Variants in ANO4 observed in about 807,000 individuals in gnomAD.
ANO4 encodes the protein anoctamin 4.
Under a neutral mutation model 141.9 loss-of-function variants are expected in ANO4, and 69 were observed. The observed-to-expected ratio is 0.49, with a 90% CI of 0.40 to 0.59. The LOEUF (loss-of-function observed/expected upper bound fraction) is 0.59, where lower values mean the gene tolerates loss of function less well. Among genes scored for constraint, ANO4 ranks in the 20% least tolerant of loss-of-function variants. The pLI is 0.00. For missense variants in ANO4, 894 were observed against 1,162.2 expected, an observed-to-expected ratio of 0.77 and a Z score of 3.36; for synonymous variants, 350 against 394.3, an observed-to-expected ratio of 0.89 and a Z score of 1.33.
At chr12:100,993,473 T>A (rs983551507) in intron 8 of ANO4, among the ~76,000 whole-genome samples, 1 of 152,130 alleles carries the variant, frequency 6.6e-6, no homozygotes, top group Non-Finnish European at 1.5e-5. Flanking sequence ...AAGAACCTGC[T>A]ATAGGTCGTA....
At chr12:100,836,433 C>T (rs937667731) in intron 1 of ANO4, among the ~76,000 whole-genome samples, 39 of 151,918 alleles carry the variant, frequency 2.6e-4, no homozygotes, top group Non-Finnish European at 5.1e-4. Flanking sequence ...TGTTGGTCTG[C>T]TGCACCCATT....
intron 22 of ANO4, among the ~76,000 whole-genome samples, chr12:101,105,464 C>T (rs550290248): frequency 6.6e-6 from 1 of 152,182 alleles, no homozygotes; most frequent in Non-Finnish European, 1.5e-5. Flanking sequence ...CTATTCTTAG[C>T]TCACAGATGG....
chr12:100,807,868 A>G (rs2035156356), intron 1 of ANO4, among the ~76,000 whole-genome samples: 1 of 152,144 alleles, frequency 6.6e-6, no homozygotes, highest in South Asian at 2.1e-4. Flanking sequence ...ATCCATGTCC[A>G]TCCATGTCCC....
rs1313949591 is a variant in ANO4, at chr12:101,017,123, T to C, written c.735-2911T>C. Among the ~76,000 whole-genome samples, 7 of 152,274 alleles carry C rather than the reference T, an allele frequency of 4.6e-5. 1 individual carries two copies. The highest frequency in any genetic ancestry group is 1.4e-4 in the African/African-American group (6 of 41,556). On this transcript the variant is annotated intron_variant, in intron 8 of 27. Coordinates refer to ENST00000392977, the MANE Select transcript of ANO4 (RefSeq NM_001286615.2). ...TAAAGACACACCCAAGACTGGGTAA[T>C]TTATAAAGGAAAGGAGGTTTAATGG...
chr12:101,072,895 C>G (rs999896460), intron 14 of ANO4, among the ~76,000 whole-genome samples: 1 of 152,170 alleles, frequency 6.6e-6, no homozygotes, highest in African/African-American at 2.4e-5. Context: ...TATCATCTTG[C>G]ACCAGTTAGA....
intron 1 of ANO4, among the ~76,000 whole-genome samples, chr12:100,858,126 A>T (rs1466029448): frequency 2.6e-5 from 4 of 152,142 alleles, no homozygotes; most frequent in African/African-American, 4.8e-5. Context: ...TTGCTTAATG[A>T]TGGTGATATG....
chr12:100,961,581 C>G (rs1051682554), intron 5 of ANO4, among the ~76,000 whole-genome samples: 1 of 152,078 alleles, frequency 6.6e-6, no homozygotes, highest in Non-Finnish European at 1.5e-5. Flanking sequence ...TTAAAATATT[C>G]GGGAGCTACA....
intron 14 of ANO4, among the ~76,000 whole-genome samples, chr12:101,057,476 G>A (rs1357629022): frequency 2.0e-5 from 3 of 151,986 alleles, no homozygotes; most frequent in Admixed American, 2.0e-4. Flanking sequence ...CACCAAAAGT[G>A]TAATTAGTGT....
chr12:101,074,732 T>C (rs939990407), intron 14 of ANO4, among the ~76,000 whole-genome samples: 1 of 152,256 alleles, frequency 6.6e-6, no homozygotes, highest in African/African-American at 2.4e-5. Flanking sequence ...AGTTATTTAA[T>C]AGGCCCTGGT....
chr12:100,817,856 G>A (rs950785361), intron 1 of ANO4, among the ~76,000 whole-genome samples: 1 of 151,754 alleles, frequency 6.6e-6, no homozygotes, highest in African/African-American at 2.4e-5. Flanking sequence ...TTTGGTGGGG[G>A]CTAAGGGTTT....
chr12:100,987,258 T>A, intron 7 of ANO4: 1 of 347,360 alleles, frequency 2.9e-6, no homozygotes, highest in East Asian at 6.1e-5. Flanking sequence ...TCCAGCCTTG[T>A]TAGGACTGCT....
At chr12:100,827,426 C>A (rs1032790634) in intron 1 of ANO4, among the ~76,000 whole-genome samples, 1 of 151,742 alleles carries the variant, frequency 6.6e-6, no homozygotes, top group Non-Finnish European at 1.5e-5. Flanking sequence ...GAAAGAAATA[C>A]CCCCCCATAA....
At chr12:100,737,664 C>T (rs949029904) in intron 2 of ANO4, among the ~76,000 whole-genome samples, 1 of 152,218 alleles carries the variant, frequency 6.6e-6, no homozygotes, top group African/African-American at 2.4e-5. Context: ...CCACTGCTCA[C>T]AGTCTGTCCA....
intron 10 of ANO4, among the ~76,000 whole-genome samples, 158 bp from the exon 11 acceptor site, chr12:101,039,797 A>G (rs1441455485): frequency 6.6e-6 from 1 of 152,202 alleles, no homozygotes; most frequent in African/African-American, 2.4e-5. Context: ...AATGTCCAGA[A>G]TAACTCATCA....
chr12:100,899,966 G>C (rs2040513569), intron 1 of ANO4, among the ~76,000 whole-genome samples: 1 of 152,160 alleles, frequency 6.6e-6, no homozygotes, highest in African/African-American at 2.4e-5. Flanking sequence ...AAGAGGTTGT[G>C]ATTCAAACCT....
intron 14 of ANO4, among the ~76,000 whole-genome samples, chr12:101,049,813 C>T (rs924744650): frequency 5.3e-5 from 8 of 152,030 alleles, no homozygotes; most frequent in Non-Finnish European, 1.2e-4. Flanking sequence ...GTTTTGAACC[C>T]CATGACTCCA....
At chr12:101,066,847 G>A (rs895423465) in intron 14 of ANO4, 73 of 1,371,912 alleles carry the variant, frequency 5.3e-5, no homozygotes, top group Admixed American at 4.5e-4. Flanking sequence ...TACCTGATGC[G>A]CTCAGTGAGA....
chr12:100,736,092 T>G (rs957649496), intron 2 of ANO4, among the ~76,000 whole-genome samples: 1 of 151,810 alleles, frequency 6.6e-6, no homozygotes, highest in Admixed American at 6.6e-5. Flanking sequence ...ACTGAGGAGG[T>G]TGAAAATTAA....
intron 1 of ANO4, among the ~76,000 whole-genome samples, chr12:100,816,996 T>G (rs1243438346): frequency 4.6e-5 from 7 of 151,684 alleles, no homozygotes; most frequent in Non-Finnish European, 1.5e-5. Flanking sequence ...TTAAAAAAAC[T>G]TAGATATTTA....
Sources: allele counts gnomAD v4.1 joint callset (sites outside exome capture counted in the v4.1 genomes callset), GRCh38; gene constraint gnomAD v4.1.1; transcripts MANE v1.5; gene names NCBI Gene and HGNC (gene_info 2026-07-23, HGNC 2026-07-21).